The following RALYL variants were observed in gnomAD, a reference collection of about 807,000 sequenced individuals.
RALYL encodes RALY RNA binding protein like.
A neutral mutation model predicts 35.1 loss-of-function variants in RALYL; 29 were observed. The ratio of observed to expected loss-of-function variants is 0.83; its 90% CI spans 0.61 to 1.13. The LOEUF (loss-of-function observed/expected upper bound fraction) is 1.13, where lower values mean the gene tolerates loss of function less well. RALYL is among the 50% of genes most tolerant of loss of function. RALYL has a pLI of 0.00. For missense variants in RALYL, 359 were observed against 360.4 expected (o/e 1.00, Z 0.03); for synonymous variants, 120 against 127.6 (o/e 0.94, Z 0.40).
At chr8:84,451,131 G>C (rs942201982) in intron 1 of RALYL, among the ~76,000 whole-genome samples, 7 of 151,970 alleles carry the variant, frequency 4.6e-5, no homozygotes, top group Admixed American at 1.3e-4. Flanking sequence ...ATATAATTGA[G>C]TCTCTATGGC....
At chr8:84,816,565 T>C (rs113172299) in intron 4 of RALYL, among the ~76,000 whole-genome samples, 234 of 152,278 alleles carry the variant, frequency 1.5e-3, no homozygotes, top group African/African-American at 5.5e-3. Context: ...AAAGTTATAT[T>C]GACTTATCTC....
intron 1 of RALYL, among the ~76,000 whole-genome samples, chr8:84,399,855 T>C (rs1345199432): frequency 6.6e-6 from 1 of 152,184 alleles, no homozygotes; most frequent in African/African-American, 2.4e-5. Context: ...TTATCCAAAA[T>C]GCTTGGGGGC....
chr8:84,312,807 G>C (rs1464291987), intron 1 of RALYL, among the ~76,000 whole-genome samples: 1 of 152,222 alleles, frequency 6.6e-6, no homozygotes, highest in South Asian at 2.1e-4. Flanking sequence ...CATGGTGCAA[G>C]CTGTCAGAGG....
chr8:84,679,109 C>A, intron 2 of RALYL: 1 of 232,384 alleles, frequency 4.3e-6, no homozygotes, highest in Non-Finnish European at 9.0e-6. Flanking sequence ...ATAGTAAATG[C>A]TGATTCTGAG....
chr8:84,193,070 G>GA (rs1208295668), intron 1 of RALYL, among the ~76,000 whole-genome samples: 2 of 151,964 alleles, frequency 1.3e-5, no homozygotes, highest in African/African-American at 4.8e-5. Flanking sequence ...TTGCCATTGA[G>GA]AAAAAAATAT....
chr8:84,464,695 A>G (rs193058106), intron 1 of RALYL, among the ~76,000 whole-genome samples: 2 of 152,252 alleles, frequency 1.3e-5, no homozygotes, highest in East Asian at 3.9e-4. Flanking sequence ...TTCCAGTTCT[A>G]GATCCCTAAG....
At chr8:84,464,955 G>A (rs1361471443) in intron 1 of RALYL, among the ~76,000 whole-genome samples, 1 of 121,356 alleles carries the variant, frequency 8.2e-6, no homozygotes, top group African/African-American at 3.1e-5. Flanking sequence ...AGAAGTGTCT[G>A]TTCATGTCCT....
chr8:84,655,093 A>G (rs1829701238), intron 2 of RALYL, among the ~76,000 whole-genome samples: 1 of 151,982 alleles, frequency 6.6e-6, no homozygotes, highest in African/African-American at 2.4e-5. Context: ...CTACATGCTC[A>G]CCAGGATTCA....
intron 2 of RALYL, among the ~76,000 whole-genome samples, chr8:84,740,446 A>G (rs564564287): frequency 6.6e-6 from 1 of 152,192 alleles, no homozygotes; most frequent in East Asian, 1.9e-4. Context: ...CTAAAAAGAA[A>G]GTAATTTATT....
At chr8:84,190,626 CAA>C (rs1813623374) in intron 1 of RALYL, among the ~76,000 whole-genome samples, 1 of 152,142 alleles carries the variant, frequency 6.6e-6, no homozygotes, top group Non-Finnish European at 1.5e-5. Context: ...TAAAACAAAA[CAA>C]GAGAAAGTAG....
At chr8:84,580,690 A>G (rs961095274) in intron 2 of RALYL, among the ~76,000 whole-genome samples, 4 of 152,200 alleles carry the variant, frequency 2.6e-5, no homozygotes, top group Non-Finnish European at 4.4e-5. Context: ...CGGGCTAAAC[A>G]ATGTCCAGTA....
intron 2 of RALYL, among the ~76,000 whole-genome samples, chr8:84,661,710 C>A (rs1379875582): frequency 1.3e-5 from 2 of 151,554 alleles, no homozygotes; most frequent in Non-Finnish European, 2.9e-5. Flanking sequence ...TATACATGTG[C>A]CATGCTGGTG....
intron 3 of RALYL, among the ~76,000 whole-genome samples, chr8:84,789,841 C>A (rs1017269227): frequency 1.8e-4 from 27 of 151,752 alleles, no homozygotes; most frequent in Admixed American, 1.8e-3. Context: ...CAGAGTGAGA[C>A]CCTGTTTCAA....
intron 4 of RALYL, among the ~76,000 whole-genome samples, chr8:84,846,078 T>C (rs1360410538): frequency 7.2e-5 from 11 of 152,126 alleles, no homozygotes; most frequent in African/African-American, 9.7e-5. Context: ...GTGATGCCTC[T>C]TGCTTTGTTC....
intron 2 of RALYL, among the ~76,000 whole-genome samples, chr8:84,552,610 A>G (rs552490222): frequency 1.3e-4 from 19 of 151,752 alleles, no homozygotes; most frequent in Admixed American, 5.2e-4. Context: ...TATTTGTTCC[A>G]CTTTTCATGA....
intron 6 of RALYL, among the ~76,000 whole-genome samples, chr8:84,868,400 C>T (rs1179318858): frequency 1.3e-5 from 2 of 152,018 alleles, no homozygotes; most frequent in African/African-American, 2.4e-5. Context: ...CAGCATGTTG[C>T]CCAGGCTGAT....
chr8:84,206,680 G>A (rs1205642063), intron 1 of RALYL, among the ~76,000 whole-genome samples: 1 of 152,118 alleles, frequency 6.6e-6, no homozygotes, highest in African/African-American at 2.4e-5. Context: ...TGTGATAGTT[G>A]AAATGAAAAT....
intron 3 of RALYL, among the ~76,000 whole-genome samples, chr8:84,778,740 T>C (rs1817427756): frequency 6.6e-6 from 1 of 152,162 alleles, no homozygotes; most frequent in Non-Finnish European, 1.5e-5. Context: ...GAGCTGACTT[T>C]TATTCTGTAG....
At chr8:84,735,977 G>T (rs1160150254) in intron 2 of RALYL, among the ~76,000 whole-genome samples, 2 of 151,940 alleles carry the variant, frequency 1.3e-5, no homozygotes, top group Non-Finnish European at 2.9e-5. Flanking sequence ...TCAAACACAT[G>T]TGATTATGAC....
Sources: allele counts gnomAD v4.1 joint callset (sites outside exome capture counted in the v4.1 genomes callset), GRCh38; gene constraint gnomAD v4.1.1; transcripts MANE v1.5; gene names NCBI Gene and HGNC (gene_info 2026-07-23, HGNC 2026-07-21).